The following HDX variants were observed in gnomAD, a reference collection of about 807,000 sequenced individuals.
HDX encodes chromosome X open reading frame 43.
Under a neutral mutation model 45.2 loss-of-function variants are expected in HDX, and 19 were observed. The ratio of observed to expected loss-of-function variants is 0.42; its 90% CI spans 0.29 to 0.62. The LOEUF is 0.62. Among genes scored for constraint, HDX ranks in the 20% least tolerant of loss-of-function variants. The pLI, the probability that HDX is intolerant of heterozygous loss-of-function variation, is 0.20. For synonymous variants in HDX, 188 were observed against 172.8 expected (o/e 1.09, Z -0.69); for missense variants, 532 against 493.9 (o/e 1.08, Z -0.73).
chrX:84,442,215 G>A (rs1226086354), intron 4 of HDX, among the ~76,000 whole-genome samples: 1 of 111,229 alleles, frequency 9.0e-6, no homozygotes, highest in Non-Finnish European at 1.9e-5. Context: ...GTGAGAACAA[G>A]GCATTCAATA....
chrX:84,489,781 A>G (rs921313325), intron 1 of HDX, among the ~76,000 whole-genome samples: 3 of 111,772 alleles, frequency 2.7e-5, no homozygotes, highest in African/African-American at 9.7e-5. Flanking sequence ...TTCTAGAACA[A>G]TGCCTTGGAC....
intron 1 of HDX, among the ~76,000 whole-genome samples, chrX:84,490,714 T>A (rs984516447): frequency 3.6e-5 from 4 of 111,177 alleles, no homozygotes; most frequent in Non-Finnish European, 5.7e-5. Context: ...ATAATTTTTT[T>A]AAATCTTATT....
At chrX:84,394,938 T>G (rs1231969872) in intron 5 of HDX, among the ~76,000 whole-genome samples, 1 of 111,534 alleles carries the variant, frequency 9.0e-6, no homozygotes, top group Admixed American at 9.6e-5. Flanking sequence ...TGGGTCACTT[T>G]TTTTATTCAG....
At chrX:84,347,450 C>G (rs1446451069) in intron 6 of HDX, among the ~76,000 whole-genome samples, 1 of 111,412 alleles carries the variant, frequency 9.0e-6, no homozygotes, top group Non-Finnish European at 1.9e-5. Context: ...AAATTTTGCT[C>G]TCAGCACTAC....
At chrX:84,432,998 A>G (rs2039539662) in intron 5 of HDX, among the ~76,000 whole-genome samples, 1 of 110,776 alleles carries the variant, frequency 9.0e-6, no homozygotes, top group Non-Finnish European at 1.9e-5. Flanking sequence ...ATATCTTTTC[A>G]GGTTACTTAT....
At chrX:84,461,324 A>G (rs1451150410) in intron 4 of HDX, among the ~76,000 whole-genome samples, 1 of 111,328 alleles carries the variant, frequency 9.0e-6, no homozygotes, top group Non-Finnish European at 1.9e-5. Flanking sequence ...AAGAACATAC[A>G]CATAGACAAA....
chrX:84,441,317 A>G (rs1241623740), intron 4 of HDX, among the ~76,000 whole-genome samples: 1 of 111,326 alleles, frequency 9.0e-6, no homozygotes, highest in African/African-American at 3.3e-5. Context: ...AACTACTTAA[A>G]CACATTACCT....
chrX:84,338,553 T>C (rs2037017300), intron 7 of HDX, among the ~76,000 whole-genome samples: 1 of 110,876 alleles, frequency 9.0e-6, no homozygotes, highest in Admixed American at 9.6e-5. Context: ...TTTTGACTTG[T>C]TCATACTACA....
At chrX:84,448,123 C>T (rs966027729) in intron 4 of HDX, among the ~76,000 whole-genome samples, 1 of 111,853 alleles carries the variant, frequency 8.9e-6, no homozygotes, top group East Asian at 2.8e-4. Context: ...CTGTAGGTTA[C>T]CCCGCCCCAT....
At chrX:84,470,212 G>A (rs2040430624) in intron 3 of HDX, among the ~76,000 whole-genome samples, 1 of 110,773 alleles carries the variant, frequency 9.0e-6, no homozygotes, top group African/African-American at 3.3e-5. Context: ...TGCTCTATTA[G>A]AATGCAATAC....
rs1443288806 is a variant in HDX at position 84,355,365 on chromosome X, C to T, written c.1452+6101G>A. 4.5e-5 allele frequency among the ~76,000 whole-genome samples: 5 copies of T among 110,782 alleles called. No homozygotes were observed. The East Asian group carries it at 1.4e-3, about 32-fold the overall frequency. On this transcript the variant is annotated intron_variant, in intron 6 of 10. Coordinates refer to ENST00000373177, the MANE Select transcript of HDX (RefSeq NM_001177479.2). ...ATGGAGCAGTGGGGAACTAATTGTC[C>T]TCGAGGACTTAACAGTGCTTCCAAC...
At chrX:84,479,246 C>A (rs1046053632) in intron 2 of HDX, among the ~76,000 whole-genome samples, 2 of 111,484 alleles carry the variant, frequency 1.8e-5, no homozygotes, top group Non-Finnish European at 3.8e-5. Context: ...CCAGCCACCC[C>A]AGCTCCTGGC....
intron 5 of HDX, among the ~76,000 whole-genome samples, chrX:84,419,587 C>G (rs575187046): frequency 8.9e-6 from 1 of 112,135 alleles, no homozygotes; most frequent in East Asian, 2.8e-4. Context: ...CCCAGGAAAC[C>G]TGGCCATTCT....
chrX:84,437,453 C>T (rs182262031), intron 5 of HDX, among the ~76,000 whole-genome samples: 29 of 111,180 alleles, frequency 2.6e-4, no homozygotes, highest in African/African-American at 9.5e-4. Context: ...ATTTTGCAGG[C>T]AGTCACCAGG....
At chrX:84,462,075 A>G (rs1301179583) in intron 4 of HDX, among the ~76,000 whole-genome samples, 1 of 112,234 alleles carries the variant, frequency 8.9e-6, no homozygotes, top group Non-Finnish European at 1.9e-5. Context: ...AGGTGGGAAT[A>G]CAAATTAGTA....
chrX:84,457,162 T>C (rs1046050946), intron 4 of HDX, among the ~76,000 whole-genome samples: 1 of 111,788 alleles, frequency 8.9e-6, no homozygotes, highest in African/African-American at 3.3e-5. Context: ...TTTAAAAGTT[T>C]ATTTTGACAT....
At chrX:84,340,193 T>C (rs767145554) in intron 7 of HDX, among the ~76,000 whole-genome samples, 1 of 110,806 alleles carries the variant, frequency 9.0e-6, no homozygotes, top group South Asian at 3.8e-4. Flanking sequence ...AACAAATGAG[T>C]GGAACTGAAA....
In HDX at chrX:84,468,634, A is replaced by T. The variant is rs774383837; in HGVS notation, c.1089T>A (p.Asn363Lys). 10 of 1,205,244 alleles carry T rather than the reference A, an allele frequency of 8.3e-6. No individual in the cohort carries two copies. Among genetic ancestry groups the T allele is most frequent in the Middle Eastern group, 2.3e-4 (1 of 4,363 alleles). Residue 363 changes from asparagine (N) to lysine (K), a missense_variant, in exon 4 of 11, where the codon AAT (asparagine) becomes AAA (lysine). Physicochemically the swap from Asn to Lys is moderately conservative, Grantham distance 94. Coordinates refer to ENST00000373177, the MANE Select transcript of HDX (RefSeq NM_001177479.2). ...GGTAGTTTCTGTTTTGATACAGTAC[A>T]TTGTCTGACATATCTCTAATATTCA... ...QMVNIRDMSD[N>K]VLYQNRNYHL...
intron 5 of HDX, among the ~76,000 whole-genome samples, chrX:84,383,110 A>T (rs2038228049): frequency 9.0e-6 from 1 of 111,491 alleles, no homozygotes; most frequent in African/African-American, 3.3e-5. Flanking sequence ...AAAAGGTAGC[A>T]TTCTTCTTAA....
Sources: allele counts gnomAD v4.1 joint callset (sites outside exome capture counted in the v4.1 genomes callset), GRCh38; gene constraint gnomAD v4.1.1; transcripts MANE v1.5; gene names NCBI Gene and HGNC (gene_info 2026-07-23, HGNC 2026-07-21).